HIGD1C: variants seen among roughly 807,000 people sequenced by gnomAD.
HIGD1C encodes the protein HIG1 domain family member 1C.
In HIGD1C, 11 loss-of-function variants were observed where a neutral mutation model predicts 13.1. The observed-to-expected ratio is 0.84, with a 90% CI of 0.53 to 1.39. The LOEUF (loss-of-function observed/expected upper bound fraction) is 1.39, where lower values mean the gene tolerates loss of function less well. Ranked by LOEUF, HIGD1C falls within the 40% of genes most tolerant of loss-of-function variation. The probability of loss-of-function intolerance (pLI) is 0.00; values close to 1 mark genes in which losing one functional copy is unlikely to be tolerated. For missense variants in HIGD1C, 110 were observed against 112.0 expected, an observed-to-expected ratio of 0.98 and a Z score of 0.08; for synonymous variants, 36 against 37.7, an observed-to-expected ratio of 0.95 and a Z score of 0.17.
the HIGD1C span, among the ~76,000 whole-genome samples, chr12:50,948,739 G>A: frequency 4.9e-3 from 728 of 147,350 alleles, 9 homozygotes; most frequent in African/African-American, 0.017. Flanking sequence ...ATGGTGGCAT[G>A]TGCCTGTAGT....
At chr12:50,936,213 ATCCTTT>A in the HIGD1C span, among the ~76,000 whole-genome samples, 1 of 152,036 alleles carries the variant, frequency 6.6e-6, no homozygotes, top group Non-Finnish European at 1.5e-5. Context: ...CTTTGGAATA[ATCCTTT>A]TATTCCATGT....
the HIGD1C span, chr12:50,932,108 GT>G: frequency 6.6e-6 from 1 of 152,086 alleles, no homozygotes; most frequent in Non-Finnish European, 1.5e-5. Flanking sequence ...AGGTTCTTGG[GT>G]TCATTTTCCT....
chr12:50,941,944 A>AT, the HIGD1C span, among the ~76,000 whole-genome samples: 1 of 152,118 alleles, frequency 6.6e-6, no homozygotes, highest in Admixed American at 6.5e-5. Context: ...ACTGGAGTGC[A>AT]GTGGTGCAAT....
At chr12:50,963,647 T>C (rs1033972243) in intron 2 of HIGD1C, among the ~76,000 whole-genome samples, 1 of 152,194 alleles carries the variant, frequency 6.6e-6, no homozygotes, top group African/African-American at 2.4e-5. Context: ...TCATGATTGC[T>C]GAACCCTGCC....
chr12:50,952,505 C>CA (rs796199045), upstream of HIGD1C, among the ~76,000 whole-genome samples: 15 of 152,226 alleles, frequency 9.9e-5, no homozygotes, highest in African/African-American at 3.4e-4. Context: ...CAAGGGGCCC[C>CA]AAGGCTACAA....
In HIGD1C at chr12:50,968,852, T is replaced by A. The variant is rs570911262; in HGVS notation, c.230-1590T>A. Among the ~76,000 whole-genome samples, 6 of 152,132 alleles carry A rather than the reference T, an allele frequency of 3.9e-5. 1 individual carries two copies. The East Asian group carries it at 7.8e-4, about 20-fold the overall frequency. On this transcript the variant is annotated intron_variant, in intron 2 of 2. Transcript: ENST00000398455. The stretch of plus-strand genomic sequence containing the variant: ...CCACCACGCCTGACCCTAATTTTTT[T>A]ATTTTTTTGTAGAAATGGGTCTCGC...
intron 1 of HIGD1C, among the ~76,000 whole-genome samples, chr12:50,958,305 G>C (rs1042914062): frequency 2.8e-5 from 4 of 143,194 alleles, no homozygotes; most frequent in Non-Finnish European, 6.0e-5. Flanking sequence ...TTTTTTAGAC[G>C]GAGTCTTGCT....
chr12:50,969,717 A>G (rs1350166004), intron 2 of HIGD1C, among the ~76,000 whole-genome samples: 12 of 148,080 alleles, frequency 8.1e-5, no homozygotes, highest in Admixed American at 8.0e-4. Flanking sequence ...AAAAAAAAAC[A>G]AAAACAAAAC....
upstream of HIGD1C, among the ~76,000 whole-genome samples, chr12:50,953,392 T>C (rs1938970422): frequency 6.6e-6 from 1 of 152,218 alleles, no homozygotes; most frequent in South Asian, 2.1e-4. Flanking sequence ...TCTGTTGTGA[T>C]TATAGTTGCT....
At chr12:50,967,817 A>C (rs1939596832) in intron 2 of HIGD1C, among the ~76,000 whole-genome samples, 1 of 152,182 alleles carries the variant, frequency 6.6e-6, no homozygotes, top group Non-Finnish European at 1.5e-5. Flanking sequence ...GTAGTGATAT[A>C]TAAAAAGTGA....
chr12:50,953,463 C>T (rs1216996718), upstream of HIGD1C, among the ~76,000 whole-genome samples: 1 of 152,188 alleles, frequency 6.6e-6, no homozygotes, highest in African/African-American at 2.4e-5. Context: ...AATCCATTGT[C>T]TAGCATAGCA....
upstream of HIGD1C, chr12:50,953,900 A>G: frequency 1.5e-6 from 1 of 675,088 alleles, no homozygotes; most frequent in South Asian, 2.0e-5. Flanking sequence ...ATGAAAACAA[A>G]AAAACACATA....
At chr12:50,968,532 G>A (rs572299166) in intron 2 of HIGD1C, among the ~76,000 whole-genome samples, 5 of 151,882 alleles carry the variant, frequency 3.3e-5, no homozygotes, top group Admixed American at 1.3e-4. Context: ...GACTACAGGC[G>A]TGTGCCACCA....
At chr12:50,960,592 C>T (rs887103609) in intron 1 of HIGD1C, among the ~76,000 whole-genome samples, 2 of 152,136 alleles carry the variant, frequency 1.3e-5, no homozygotes, top group African/African-American at 2.4e-5. Context: ...GGAGTCTTTC[C>T]TGCTTATCTT....
chr12:50,935,891 C>T, the HIGD1C span, among the ~76,000 whole-genome samples: 3 of 152,306 alleles, frequency 2.0e-5, no homozygotes, highest in East Asian at 5.8e-4. Flanking sequence ...GGCACAGTGG[C>T]TCGTGCCTGT....
chr12:50,954,295 T>C, intron 1 of HIGD1C: 1 of 451,676 alleles, frequency 2.2e-6, no homozygotes, highest in Non-Finnish European at 3.9e-6. Context: ...ATTTGAGGCA[T>C]CAAATTTTAT....
the HIGD1C span, among the ~76,000 whole-genome samples, chr12:50,936,678 G>A: frequency 2.0e-5 from 3 of 152,176 alleles, no homozygotes; most frequent in African/African-American, 4.8e-5. Context: ...CACTGTGATG[G>A]TCTCCTGAGA....
At chr12:50,942,105 C>A in the HIGD1C span, among the ~76,000 whole-genome samples, 2 of 152,104 alleles carry the variant, frequency 1.3e-5, no homozygotes, top group African/African-American at 2.4e-5. Flanking sequence ...TGGTCTCAAA[C>A]TCCTGAGCTC....
chr12:50,953,841 G>T (rs1441427609), upstream of HIGD1C: 1 of 548,470 alleles, frequency 1.8e-6, no homozygotes, highest in East Asian at 2.9e-5. Flanking sequence ...AGTGAAAAGT[G>T]TGAAGGAAAG....
Sources: gnomAD v4.1 joint callset for allele counts (sites outside exome capture counted in the v4.1 genomes callset) on GRCh38, gnomAD v4.1.1 for gene constraint, MANE v1.5 for transcripts, NCBI Gene and HGNC (gene_info 2026-07-23, HGNC 2026-07-21) for gene names.